FAM217B: variants seen among roughly 807,000 people sequenced by gnomAD.
FAM217B encodes the protein family with sequence similarity 217 member B, also known as protein FAM217B.
For synonymous variants in FAM217B, 163 were observed against 173.0 expected (o/e 0.94, Z 0.45); for missense variants, 463 against 456.9 (o/e 1.01, Z -0.12).
Position 59,946,164 on chromosome 20 carries a change from A to G in FAM217B, c.*1069A>G, listed in dbSNP as rs2060935851. ...GAATATGAGTAAGGTTGCTGAATGA[A>G]TTCTAAACTCGCTTATCTGGTCTTC... On this transcript the variant is annotated 3_prime_UTR_variant, in exon 4 of 4. Coordinates refer to ENST00000360816, the MANE Select transcript of FAM217B (RefSeq NM_022106.3). The G allele has an allele frequency of 6.0e-6, 1 of 167,082 alleles. No homozygotes were observed. Among genetic ancestry groups the G allele is most frequent in the Admixed American group, 6.5e-5 (1 of 15,284 alleles). 10.3% of individuals were successfully genotyped at this position (167,082 alleles called of 1,614,324 possible).
upstream of FAM217B, chr20:59,939,234 T>A (rs748669531): frequency 9.9e-6 from 16 of 1,611,146 alleles, no homozygotes; most frequent in Non-Finnish European, 1.4e-5. Context: ...GAAAACGTCC[T>A]CCGTGCCCTC....
chr20:59,936,166 T>A (rs1401484440), upstream of FAM217B, among the ~76,000 whole-genome samples: 2 of 152,120 alleles, frequency 1.3e-5, no homozygotes, highest in Non-Finnish European at 2.9e-5. Flanking sequence ...AACACAAGGG[T>A]ATTTGTGTAT....
At chr20:59,934,178 G>A (rs1009234494) in intron 1 of FAM217B, among the ~76,000 whole-genome samples, 6 of 152,186 alleles carry the variant, frequency 3.9e-5, no homozygotes, top group African/African-American at 1.4e-4. Flanking sequence ...CCGGCAGGGG[G>A]CGCAGGGCCG....
exon 1 of FAM217B, chr20:59,933,829 G>A (rs1374299558): frequency 6.6e-6 from 1 of 151,764 alleles, no homozygotes; most frequent in Admixed American, 6.6e-5. Flanking sequence ...GGACGCTGTG[G>A]GCGCGGCTCA....
upstream of FAM217B, chr20:59,936,753 C>G (rs1601037508): frequency 6.6e-6 from 1 of 152,192 alleles, no homozygotes; most frequent in Admixed American, 6.5e-5. Flanking sequence ...ATGATTTAGA[C>G]AAGAAGTTTC....
upstream of FAM217B, chr20:59,940,020 G>A: frequency 9.0e-7 from 1 of 1,117,276 alleles, no homozygotes; most frequent in South Asian, 4.7e-5. Context: ...AAGCCGCAGA[G>A]AGTCCACCGT....
Position 59,947,504 on chromosome 20 carries a change from C to CAA in FAM217B, c.*2418_*2419dup. 2 of 153,842 alleles carry CAA rather than the reference C, an allele frequency of 1.3e-5. No individual in the cohort carries two copies. 9.5% of individuals were successfully genotyped at this position (153,842 alleles called of 1,614,324 possible). On this transcript the variant is annotated 3_prime_UTR_variant, in exon 4 of 4. Transcript: ENST00000360816. ...GGGCAACAAGAGGGAAACTCCGTTT[C>CAA]AAAAAAAAAAGAAAAAGAAAGAAAT...
In FAM217B at chr20:59,946,221, T is replaced by G. The variant is rs112391478; in HGVS notation, c.*1126T>G. 1 of 167,084 alleles carries G rather than the reference T, an allele frequency of 6.0e-6. No homozygotes were observed. Among genetic ancestry groups the G allele is most frequent in the African/African-American group, 2.4e-5 (1 of 41,458 alleles). 10.4% of individuals were successfully genotyped at this position (167,084 alleles called of 1,614,324 possible). A position where few individuals can be genotyped will look rare whatever the true frequency, so the allele number is the denominator to read the frequency against. ...CCCAACTCTCTCCAAGCCTTCTTAT[T>G]TCACTGCAGTTAAATAACATCTTCT... On this transcript the variant is annotated 3_prime_UTR_variant, in exon 4 of 4. Transcript: ENST00000360816.
At chr20:59,939,838 C>A, upstream of FAM217B, 1 of 1,239,216 alleles carries the variant, frequency 8.1e-7, no homozygotes, top group South Asian at 4.0e-5. Flanking sequence ...GCCACGCCGC[C>A]GTCCAGGTCC....
upstream of FAM217B, among the ~76,000 whole-genome samples, chr20:59,935,764 C>A (rs1026637155): frequency 2.6e-5 from 4 of 152,130 alleles, no homozygotes; most frequent in African/African-American, 9.7e-5. Context: ...CAAGGCAAGA[C>A]CTTCTCTCAA....
At chr20:59,940,300 A>G (rs867370669), upstream of FAM217B, 6 of 174,094 alleles carry the variant, frequency 3.4e-5, no homozygotes, top group Non-Finnish European at 6.7e-5. Context: ...CGTTACTTAC[A>G]AGGCTGCAAC....
intron 3 of FAM217B, among the ~76,000 whole-genome samples, chr20:59,943,584 A>G (rs1335894342): frequency 6.6e-6 from 1 of 152,152 alleles, no homozygotes; most frequent in Admixed American, 6.5e-5. Flanking sequence ...CCAGAGTTCT[A>G]CGACTGATTT....
At position 59,945,147 on chromosome 20, in the gene FAM217B, G is replaced by T; in HGVS notation, c.*52G>T. ...CCTGCAGGTACCTCAATGTTAGAGC[G>T]CTTCCAAAAGTCAAAATACTGTGAA... On this transcript the variant is annotated 3_prime_UTR_variant, in exon 4 of 4. Coordinates refer to ENST00000360816, the MANE Select transcript of FAM217B (RefSeq NM_022106.3). 1 of 1,398,114 alleles carries T rather than the reference G, an allele frequency of 7.2e-7. No homozygotes were observed. The highest frequency in any genetic ancestry group is 1.5e-5 in the African/African-American group (1 of 68,534). 86.6% of individuals were successfully genotyped at this position (1,398,114 alleles called of 1,614,324 possible).
rs1389302827 is a variant in FAM217B, at chr20:59,947,117, A to G, written c.*2022A>G. 2.4e-5 allele frequency: 4 copies of G among 167,184 alleles called. No individual in the cohort carries two copies. Among genetic ancestry groups the G allele is most frequent in the Non-Finnish European group, 5.9e-5 (4 of 68,164 alleles). 10.4% of individuals were successfully genotyped at this position (167,184 alleles called of 1,614,324 possible). On this transcript the variant is annotated 3_prime_UTR_variant, in exon 4 of 4. Transcript: ENST00000360816. ...CTTTCCCCGTCATGTATCCATGTGC[A>G]TGCTCTTAGAGACCTTGAATGGTTG...
Position 59,944,509 on chromosome 20 carries a change from AGTG to A in FAM217B, c.568_570del (p.Trp190del). On this transcript the variant is annotated inframe_deletion, in exon 4 of 4. Transcript: ENST00000360816. ...TATATCGATAGACTTATTCAGCTTG[AGTG>A]GCTGCAAGTCCAGACTGTACAGTGT... 1 of 1,614,018 alleles carries A rather than the reference AGTG, an allele frequency of 6.2e-7. No individual in the cohort carries two copies. Among genetic ancestry groups the A allele is most frequent in the Non-Finnish European group, 8.5e-7 (1 of 1,179,992 alleles).
At position 59,948,659 on chromosome 20, in the gene FAM217B, CA is replaced by C. The variant is rs1411419868; in HGVS notation, c.*3565del. Reference sequence around the variant, plus strand: ...TTCTCCTTCCTTGAGATCAATTAAACAGCAGAAAAATATTGTCTGGATTTTT... The same window carrying C: ...TTCTCCTTCCTTGAGATCAATTAAACGCAGAAAAATATTGTCTGGATTTTT... On this transcript the variant is annotated 3_prime_UTR_variant, in exon 4 of 4. Coordinates refer to ENST00000360816, the MANE Select transcript of FAM217B (RefSeq NM_022106.3). 13 of 166,836 alleles carry C rather than the reference CA, an allele frequency of 7.8e-5. No homozygotes were observed. Among genetic ancestry groups the C allele is most frequent in the Non-Finnish European group, 7.3e-5 (5 of 68,114 alleles). 10.3% of individuals were successfully genotyped at this position (166,836 alleles called of 1,614,324 possible).
chr20:59,939,434 G>C, upstream of FAM217B: 1 of 1,611,392 alleles, frequency 6.2e-7, no homozygotes, highest in Non-Finnish European at 8.5e-7. Flanking sequence ...CGCCAAAGTC[G>C]GCGGCCTCGA....
upstream of FAM217B, chr20:59,939,948 G>T (rs919403233): frequency 1.6e-6 from 2 of 1,264,682 alleles, no homozygotes; most frequent in Admixed American, 3.7e-5. Context: ...GCCGGCCGTC[G>T]GAAGATGAGG....
upstream of FAM217B, chr20:59,939,826 G>A: frequency 2.4e-6 from 3 of 1,237,242 alleles, no homozygotes; most frequent in Non-Finnish European, 3.0e-6. Context: ...CGCGGCTCCA[G>A]GGCCACGCCG....
Sources: allele counts gnomAD v4.1 joint callset (sites outside exome capture counted in the v4.1 genomes callset), GRCh38; gene constraint gnomAD v4.1.1; transcripts MANE v1.5; gene names NCBI Gene and HGNC (gene_info 2026-07-23, HGNC 2026-07-21).